Variants in TCF4 observed in about 807,000 individuals in gnomAD.
TCF4 encodes SL3-3 enhancer factor 2.
Under a neutral mutation model 82.1 loss-of-function variants are expected in TCF4, and 3 were observed. The observed-to-expected ratio is 0.04, with a 90% CI of 0.02 to 0.09. The LOEUF is 0.09. Ranked by LOEUF, TCF4 falls within the 10% of genes least tolerant of loss-of-function variation. TCF4 has a pLI of 1.00. For synonymous variants in TCF4, 276 were observed against 309.6 expected (o/e 0.89, Z 1.14); for missense variants, 518 against 852.7 (o/e 0.61, Z 4.89).
At chr18:55,612,301 G>A (rs540829489) in intron 2 of TCF4, among the ~76,000 whole-genome samples, 3 of 152,048 alleles carry the variant, frequency 2.0e-5, no homozygotes, top group Non-Finnish European at 4.4e-5. Context: ...GGGATATGAG[G>A]GGGGAGAGTG....
At chr18:55,439,962 G>C (rs1036337355) in intron 5 of TCF4, among the ~76,000 whole-genome samples, 13 of 152,156 alleles carry the variant, frequency 8.5e-5, no homozygotes, top group Admixed American at 3.9e-4. Context: ...GGCTTCAAAT[G>C]ATCTGCCCTC....
At chr18:55,528,869 T>C (rs1176149366) in intron 3 of TCF4, among the ~76,000 whole-genome samples, 1 of 152,106 alleles carries the variant, frequency 6.6e-6, no homozygotes, top group South Asian at 2.1e-4. Flanking sequence ...TTCTTGACTA[T>C]CAACAACAAC....
At chr18:55,409,591 A>G (rs1371429689) in intron 5 of TCF4, among the ~76,000 whole-genome samples, 1 of 152,172 alleles carries the variant, frequency 6.6e-6, no homozygotes, top group Non-Finnish European at 1.5e-5. Context: ...TTAATACAAG[A>G]GCTGATGACC....
intron 15 of TCF4, among the ~76,000 whole-genome samples, chr18:55,246,243 G>A (rs2053124155): frequency 6.9e-6 from 1 of 145,494 alleles, no homozygotes; most frequent in African/African-American, 2.4e-5. Flanking sequence ...GTGTGTGTGT[G>A]TGTGTGTGTG....
At chr18:55,265,678 G>A (rs1473837017) in intron 11 of TCF4, 6 of 152,114 alleles carry the variant, frequency 3.9e-5, no homozygotes, top group Admixed American at 3.9e-4. Context: ...TGAACATTAT[G>A]TGACTACTCT....
rs2068712976 is a variant in TCF4, at chr18:55,302,698, G to A, written c.550-23042C>T. 8 of 1,306,702 alleles carry A rather than the reference G, an allele frequency of 6.1e-6. No homozygotes were observed. In the South Asian group the frequency reaches 1.0e-4, roughly 17 times the overall value. 80.9% of individuals were successfully genotyped at this position (1,306,702 alleles called of 1,614,324 possible). ...GGAGGGCCTAGGATGAGACCGGGAG[G>A]AGGGCATGAAGAAGGGGAGGTGGGA... is the stretch of plus-strand genomic sequence containing the variant. On this transcript the variant is annotated intron_variant, in intron 8 of 19. Transcript: ENST00000354452.
intron 5 of TCF4, among the ~76,000 whole-genome samples, chr18:55,406,684 A>G (rs1047021770): frequency 6.6e-6 from 1 of 152,136 alleles, no homozygotes; most frequent in African/African-American, 2.4e-5. Context: ...CACTTATACC[A>G]ACTGGCTGGC....
intron 11 of TCF4, among the ~76,000 whole-genome samples, chr18:55,263,533 G>C (rs1054496038): frequency 2.0e-5 from 3 of 152,004 alleles, no homozygotes; most frequent in African/African-American, 7.2e-5. Flanking sequence ...CCTGGGAGGC[G>C]GAGGTTGCAG....
At chr18:55,431,144 G>A (rs2095177335) in intron 5 of TCF4, among the ~76,000 whole-genome samples, 1 of 152,154 alleles carries the variant, frequency 6.6e-6, no homozygotes, top group African/African-American at 2.4e-5. Flanking sequence ...TAAGACATGG[G>A]GGAAAAAGGA....
At chr18:55,258,748 G>A (rs1287428391) in intron 13 of TCF4, among the ~76,000 whole-genome samples, 1 of 152,116 alleles carries the variant, frequency 6.6e-6, no homozygotes, top group Admixed American at 6.6e-5. Context: ...ATCCCTTGTT[G>A]TATCTCTTGT....
chr18:55,328,944 T>C (rs1271328641), intron 8 of TCF4, among the ~76,000 whole-genome samples: 2 of 152,232 alleles, frequency 1.3e-5, no homozygotes, highest in Non-Finnish European at 2.9e-5. Context: ...CTGAGGTTTC[T>C]AACTGTTGAT....
chr18:55,346,675 T>G (rs1382172383), intron 8 of TCF4, among the ~76,000 whole-genome samples: 3 of 152,208 alleles, frequency 2.0e-5, no homozygotes, highest in African/African-American at 7.2e-5. Context: ...CACCAAAGTC[T>G]GAAGTAGAAA....
At chr18:55,635,912 G>T (rs576896383) in exon 1 of TCF4, 1 of 1,572,404 alleles carries the variant, frequency 6.4e-7, no homozygotes, top group African/African-American at 1.4e-5. Flanking sequence ...TTGTTCCTTT[G>T]GCCGCATAAG....
intron 8 of TCF4, among the ~76,000 whole-genome samples, chr18:55,339,298 A>T (rs2079304662): frequency 6.6e-6 from 1 of 152,194 alleles, no homozygotes; most frequent in Admixed American, 6.5e-5. Context: ...CTGTGAGTGG[A>T]GAAGTGAGGT....
At chr18:55,305,262 CTCTT>C (rs2069884609) in intron 8 of TCF4, among the ~76,000 whole-genome samples, 1 of 152,148 alleles carries the variant, frequency 6.6e-6, no homozygotes, top group South Asian at 2.1e-4. Flanking sequence ...TAAACAATTT[CTCTT>C]TCTGTCAACT....
chr18:55,590,905 G>A (rs938364525), upstream of TCF4, among the ~76,000 whole-genome samples: 1 of 152,210 alleles, frequency 6.6e-6, no homozygotes, highest in African/African-American at 2.4e-5. Flanking sequence ...ACCCAAGGAA[G>A]AAGTTTTGTA....
chr18:55,635,521 A>C (rs79078389), intron 1 of TCF4, among the ~76,000 whole-genome samples: 1 of 151,840 alleles, frequency 6.6e-6, no homozygotes. Context: ...AAAAAAAAAA[A>C]GAAAAGAAAA....
intron 5 of TCF4, among the ~76,000 whole-genome samples, chr18:55,437,380 A>C (rs2095351381): frequency 6.6e-6 from 1 of 152,198 alleles, no homozygotes. Flanking sequence ...TTAAAATATA[A>C]AAGAGGGATA....
chr18:55,229,818 T>G (rs778437525), intron 17 of TCF4: 5 of 152,352 alleles, frequency 3.3e-5, no homozygotes, highest in Non-Finnish European at 7.3e-5. Context: ...TTGGGAAACC[T>G]GAACTGATAT....
Sources: gnomAD v4.1 joint callset for allele counts (sites outside exome capture counted in the v4.1 genomes callset) on GRCh38, gnomAD v4.1.1 for gene constraint, MANE v1.5 for transcripts, NCBI Gene and HGNC (gene_info 2026-07-23, HGNC 2026-07-21) for gene names.